ZAR1L: variants seen among roughly 807,000 people sequenced by gnomAD.
ZAR1L encodes the protein zygote arrest 1 like, also known as protein ZAR1-like.
ZAR1L carries 16 observed loss-of-function variants against 30.0 expected under a neutral mutation model. That is an observed-to-expected ratio of 0.53 (90% confidence interval 0.36 to 0.81). The LOEUF is 0.81. Ranked by LOEUF, ZAR1L falls within the 30% of genes least tolerant of loss-of-function variation. The pLI is 0.00. For synonymous variants in ZAR1L, 197 were observed against 166.8 expected, an observed-to-expected ratio of 1.18 and a Z score of -1.40; for missense variants, 392 against 417.2, an observed-to-expected ratio of 0.94 and a Z score of 0.53.
At chr13:32,306,998 T>C (rs1166063880) in intron 5 of ZAR1L, among the ~76,000 whole-genome samples, 1 of 144,156 alleles carries the variant, frequency 6.9e-6, no homozygotes, top group African/African-American at 2.6e-5. Context: ...ACCAATACTA[T>C]GGAAAATATT....
At chr13:32,309,445 C>T (rs148010143) in intron 4 of ZAR1L, among the ~76,000 whole-genome samples, 28 of 152,288 alleles carry the variant, frequency 1.8e-4, no homozygotes, top group African/African-American at 5.5e-4. Flanking sequence ...CAGTATTTCC[C>T]GGCTTACACT....
chr13:32,310,675 C>T lies in ZAR1L; in HGVS notation c.711G>A (p.Glu237=), dbSNP rs1032418619. ...FHCKDCKTRW[E]SAYVWCISGT... ...CAGAAATGCACCACACGTAAGCACT[C>T]TCCCACCTGGTCTTACAATCTTTAC... Residue 237 remains glutamate, a synonymous_variant, in exon 4 of 6, where the codon GAG becomes GAA. Transcript: ENST00000533490. 5 of 1,551,758 alleles carry T rather than the reference C, an allele frequency of 3.2e-6. No individual in the cohort carries two copies. The South Asian group carries it at 5.9e-5, about 18-fold the overall frequency.
At position 32,311,440 on chromosome 13, in the gene ZAR1L, C is replaced by T. The variant is rs1216087948; in HGVS notation, c.486G>A (p.Glu162=). The change falls in exon 3 of 6, where the codon GAG becomes GAA. Residue 162 remains glutamate (E), a synonymous_variant. Coordinates refer to ENST00000533490, the MANE Select transcript of ZAR1L (RefSeq NM_001136571.2). ...GTGATGGTGGCTGCGGCTGGCTGGC[C>T]TCCGCAGGGCCCGGGAGCGCCTTGC... is the stretch of plus-strand genomic sequence containing the variant. The part of the protein sequence containing the change: ...AESKALPGPA[E]ASQPQPPSRR... 2 of 1,548,372 alleles carry T rather than the reference C, an allele frequency of 1.3e-6. No homozygotes were observed. The highest frequency in any genetic ancestry group is 2.7e-5 in the African/African-American group (2 of 73,058).
intron 5 of ZAR1L, among the ~76,000 whole-genome samples, chr13:32,306,554 A>C (rs1282381270): frequency 6.6e-6 from 1 of 152,240 alleles, no homozygotes; most frequent in East Asian, 1.9e-4. Context: ...TCATAGAAAC[A>C]ATGAAATTCA....
chr13:32,312,213 C>A (rs1421424950), intron 2 of ZAR1L, 120 bp from the exon 3 acceptor site: 2 of 385,690 alleles, frequency 5.2e-6, no homozygotes, highest in Non-Finnish European at 9.4e-6. Flanking sequence ...TTTTTCATTT[C>A]CAGCTTATTC....
rs1566210347 is a variant in ZAR1L at position 32,308,775 on chromosome 13, G to T, written c.748-15C>A. ...TTGAAATAAACCTAAAGAGAAATAT[G>T]TTTTTTTTTAATACAAGCTTTTATA... On this transcript the variant is annotated splice_polypyrimidine_tract_variant and intron_variant, in intron 4 of 5. Transcript: ENST00000533490. 6.2e-6 allele frequency: 9 copies of T among 1,460,556 alleles called. No homozygotes were observed. The highest frequency in any genetic ancestry group is 1.2e-5 in the South Asian group (1 of 81,050). 90.5% of individuals were successfully genotyped at this position (1,460,556 alleles called of 1,614,324 possible). A position where few individuals can be genotyped will look rare whatever the true frequency, so the allele number is the denominator to read the frequency against.
At chr13:32,308,909 C>T in intron 4 of ZAR1L, 149 bp from the exon 5 acceptor site, 2 of 598,156 alleles carry the variant, frequency 3.3e-6, no homozygotes, top group Non-Finnish European at 5.9e-6. Flanking sequence ...CCAACCTCTA[C>T]CCTTGGGGTT....
In ZAR1L at chr13:32,312,075, G is replaced by C; in HGVS notation, c.-150C>G. On this transcript the variant is annotated 5_prime_UTR_variant, in exon 3 of 6. Coordinates refer to ENST00000533490, the MANE Select transcript of ZAR1L (RefSeq NM_001136571.2). The stretch of plus-strand genomic sequence containing the variant: ...TCTCCATTTATTTCAGATTCTAATG[G>C]GAGCTGCTGCTTATTACCCTGATTG... 1 of 945,344 alleles carries C rather than the reference G, an allele frequency of 1.1e-6. No homozygotes were observed. Among genetic ancestry groups the C allele is most frequent in the South Asian group, 1.8e-5 (1 of 55,696 alleles). 58.6% of individuals were successfully genotyped at this position (945,344 alleles called of 1,614,324 possible). A position where few individuals can be genotyped will look rare whatever the true frequency, so the allele number is the denominator to read the frequency against.
Position 32,310,693 on chromosome 13 carries a change from A to G in ZAR1L, c.693T>C (p.Asp231=), listed in dbSNP as rs1326231158. 3.2e-6 allele frequency: 5 copies of G among 1,551,762 alleles called. No homozygotes were observed. The highest frequency in any genetic ancestry group is 2.7e-5 in the African/African-American group (2 of 73,036). Residue 231 remains aspartate (D), a synonymous_variant, in exon 4 of 6, where the codon GAT becomes GAC. Transcript: ENST00000533490. ...EPKYGYFHCK[D]CKTRWESAYV... ...AAGCACTCTCCCACCTGGTCTTACA[A>G]TCTTTACAGTGGAAATAGCCATATT...
At chr13:32,310,501 C>A in intron 4 of ZAR1L, 138 bp downstream of exon 4, 1 of 650,452 alleles carries the variant, frequency 1.5e-6, no homozygotes, top group Non-Finnish European at 2.7e-6. Context: ...TGAGCACTTC[C>A]TGTACACCTG....
chr13:32,307,769 A>C (rs1226739716), intron 5 of ZAR1L, among the ~76,000 whole-genome samples: 1 of 152,022 alleles, frequency 6.6e-6, no homozygotes, highest in African/African-American at 2.4e-5. Context: ...AGGATGAATC[A>C]CTTATAAGCT....
At chr13:32,305,043 T>C (rs1025687839) in intron 5 of ZAR1L, among the ~76,000 whole-genome samples, 6 of 151,986 alleles carry the variant, frequency 3.9e-5, no homozygotes, top group African/African-American at 1.5e-4. Flanking sequence ...ACTCCTGACC[T>C]GAGGTGATCC....
At position 32,311,912 on chromosome 13, in the gene ZAR1L, A is replaced by T. The variant is rs1052309722; in HGVS notation, c.14T>A (p.Val5Asp). ...CTGGTACAAGCCATAGGGAACACGGACAAAGCGCTCCATCCGCTCTCAGGT... is the reference window on the plus strand; with the variant it reads ...CTGGTACAAGCCATAGGGAACACGGTCAAAGCGCTCCATCCGCTCTCAGGT... MERFVRVPYGLYQGY... is the reference protein window; with the variant it reads MERFDRVPYGLYQGY... Residue 5 changes from valine to aspartate, a missense_variant, in exon 3 of 6, where the codon GTC becomes GAC. Coordinates refer to ENST00000533490, the MANE Select transcript of ZAR1L (RefSeq NM_001136571.2). 3 of 1,549,194 alleles carry T rather than the reference A, an allele frequency of 1.9e-6. No individual in the cohort carries two copies. Among genetic ancestry groups the T allele is most frequent in the Non-Finnish European group, 8.7e-7 (1 of 1,145,456 alleles).
chr13:32,314,765 C>T (rs2072237669), intron 1 of ZAR1L, among the ~76,000 whole-genome samples: 1 of 152,132 alleles, frequency 6.6e-6, no homozygotes, highest in African/African-American at 2.4e-5. Flanking sequence ...GGCAGGAGAA[C>T]CACTTGATCC....
At chr13:32,306,553 C>A (rs1184746231) in intron 5 of ZAR1L, among the ~76,000 whole-genome samples, 1 of 152,098 alleles carries the variant, frequency 6.6e-6, no homozygotes, top group Non-Finnish European at 1.5e-5. Flanking sequence ...TTCATAGAAA[C>A]AATGAAATTC....
At chr13:32,307,902 A>G (rs529516012) in intron 5 of ZAR1L, among the ~76,000 whole-genome samples, 1 of 152,180 alleles carries the variant, frequency 6.6e-6, no homozygotes, top group Non-Finnish European at 1.5e-5. Flanking sequence ...TCCTGGGTTC[A>G]AGCAATTCTC....
At position 32,308,771 on chromosome 13, in the gene ZAR1L, A is replaced by T. The variant is rs1182933952; in HGVS notation, c.748-11T>A. The T allele has an allele frequency of 6.6e-7, 1 of 1,516,672 alleles. No homozygotes were observed. The highest frequency in any genetic ancestry group is 8.9e-7 in the Non-Finnish European group (1 of 1,125,488). The allele number at this position is 1,516,672 out of a possible 1,614,324, so 94.0% of individuals were successfully genotyped here. A position where few individuals can be genotyped will look rare whatever the true frequency, so the allele number is the denominator to read the frequency against. ...TTGTTTGAAATAAACCTAAAGAGAAATATGTTTTTTTTTAATACAAGCTTT... is the reference window on the plus strand; with the variant it reads ...TTGTTTGAAATAAACCTAAAGAGAATTATGTTTTTTTTTAATACAAGCTTT... On this transcript the variant is annotated splice_polypyrimidine_tract_variant and intron_variant, in intron 4 of 5. Transcript: ENST00000533490.
In ZAR1L at chr13:32,311,961, A is replaced by G; in HGVS notation, c.-36T>C. On this transcript the variant is annotated 5_prime_UTR_variant, in exon 3 of 6. Coordinates refer to ENST00000533490, the MANE Select transcript of ZAR1L (RefSeq NM_001136571.2). ...GTGCTCAGGCGCAGTCTAATATCCTAGCCAGTTTGTTTGGGTCCTTATTTT... is the reference window on the plus strand; with the variant it reads ...GTGCTCAGGCGCAGTCTAATATCCTGGCCAGTTTGTTTGGGTCCTTATTTT... 1 of 1,495,454 alleles carries G rather than the reference A, an allele frequency of 6.7e-7. No individual in the cohort carries two copies. The highest frequency in any genetic ancestry group is 8.9e-7 in the Non-Finnish European group (1 of 1,118,704). 92.6% of individuals were successfully genotyped at this position (1,495,454 alleles called of 1,614,324 possible). A position where few individuals can be genotyped will look rare whatever the true frequency, so the allele number is the denominator to read the frequency against.
intron 2 of ZAR1L, among the ~76,000 whole-genome samples, chr13:32,314,063 ATCC>A (rs2072232486): frequency 1.3e-5 from 2 of 152,248 alleles, no homozygotes; most frequent in African/African-American, 4.8e-5. Flanking sequence ...TTGATTCAGT[ATCC>A]TCATCTGACA....
Sources: allele counts gnomAD v4.1 joint callset (sites outside exome capture counted in the v4.1 genomes callset), GRCh38; gene constraint gnomAD v4.1.1; transcripts MANE v1.5; gene names NCBI Gene and HGNC (gene_info 2026-07-23, HGNC 2026-07-21).